Variants in C19orf47 observed in about 807,000 individuals in gnomAD.
C19orf47 encodes the protein chromosome 19 open reading frame 47, also known as uncharacterized protein C19orf47.
A neutral mutation model predicts 32.3 loss-of-function variants in C19orf47; 18 were observed. That is an observed-to-expected ratio of 0.56 (90% CI 0.39 to 0.83). C19orf47 has a LOEUF of 0.83. C19orf47 is among the 40% of genes least tolerant of loss of function. The pLI is 0.00. For missense variants in C19orf47, 484 were observed against 531.6 expected (o/e 0.91, Z 0.88); for synonymous variants, 202 against 211.1 (o/e 0.96, Z 0.37).
chr19:40,307,566 G>A, the C19orf47 span, among the ~76,000 whole-genome samples: 4 of 152,074 alleles, frequency 2.6e-5, no homozygotes, highest in African/African-American at 9.7e-5. Context: ...TTTTTGTAGA[G>A]ACAGGGTTTT....
intron 7 of C19orf47, among the ~76,000 whole-genome samples, chr19:40,325,404 G>A (rs1239536427): frequency 1.3e-5 from 2 of 152,100 alleles, no homozygotes; most frequent in Non-Finnish European, 2.9e-5. Flanking sequence ...GAAGCAGGCA[G>A]ATCACTTGAG....
intron 1 of C19orf47, chr19:40,343,710 T>A (rs1253185674): frequency 6.6e-6 from 1 of 152,240 alleles, no homozygotes; most frequent in Non-Finnish European, 1.5e-5. Flanking sequence ...ATCTACTTTG[T>A]GACACTTTCC....
downstream of C19orf47, among the ~76,000 whole-genome samples, chr19:40,315,546 C>T (rs1600154034): frequency 1.3e-5 from 2 of 151,996 alleles, no homozygotes; most frequent in East Asian, 1.9e-4. Flanking sequence ...TTTGGGAGGC[C>T]GAAGTGAGCA....
At chr19:40,318,400 C>A (rs1477002969), downstream of C19orf47, among the ~76,000 whole-genome samples, 1 of 152,056 alleles carries the variant, frequency 6.6e-6, no homozygotes, top group African/African-American at 2.4e-5. Flanking sequence ...AAGAGAATCT[C>A]CCTGGCACAG....
intron 4 of C19orf47, among the ~76,000 whole-genome samples, chr19:40,335,381 C>A (rs1465861724): frequency 1.3e-5 from 2 of 152,146 alleles, no homozygotes; most frequent in Admixed American, 1.3e-4. Context: ...TGTGAAGCAG[C>A]AATAATAGTT....
chr19:40,318,394 G>T (rs2077677680), downstream of C19orf47, among the ~76,000 whole-genome samples: 1 of 151,950 alleles, frequency 6.6e-6, no homozygotes. Context: ...AACAATAAGA[G>T]AATCTCCCTG....
rs562725113 is a variant in C19orf47 at position 40,333,862 on chromosome 19, C to A, written c.290G>T (p.Arg97Leu). 1.3e-6 allele frequency: 2 copies of A among 1,573,688 alleles called. No homozygotes were observed. The highest frequency in any genetic ancestry group is 1.2e-5 in the South Asian group (1 of 85,842). The change falls in exon 5 of 9, where the codon CGT (arginine) becomes CTT (leucine). Residue 97 changes from arginine to leucine, a missense_variant. This residue lies in a region of C19orf47 where 376 missense variants were observed against 370.2 expected (regional missense o/e 1.02). Coordinates refer to ENST00000683109, the MANE Select transcript of C19orf47 (RefSeq NM_001256441.2). ...SPSPLAGEIR[R>L]GTSAASRMIT... Reference sequence around the variant, plus strand: ...TAGTTAGGACTCACCACTGGTGCCACGGCGAATTTCGCCTGCAAGGGGGCT... The same window carrying A: ...TAGTTAGGACTCACCACTGGTGCCAAGGCGAATTTCGCCTGCAAGGGGGCT...
At chr19:40,313,374 G>C in the C19orf47 span, among the ~76,000 whole-genome samples, 1 of 152,118 alleles carries the variant, frequency 6.6e-6, no homozygotes, top group African/African-American at 2.4e-5. Flanking sequence ...GCCCAGGCTA[G>C]AGTGCAGTGT....
At chr19:40,300,812 C>G in the C19orf47 span, among the ~76,000 whole-genome samples, 1 of 152,090 alleles carries the variant, frequency 6.6e-6, no homozygotes, top group Non-Finnish European at 1.5e-5. Flanking sequence ...TAACATTGGA[C>G]TGGGTAAGAA....
At chr19:40,293,436 G>A in the C19orf47 span, among the ~76,000 whole-genome samples, 7 of 147,578 alleles carry the variant, frequency 4.7e-5, no homozygotes, top group East Asian at 6.2e-4. Flanking sequence ...ATGAGCCACC[G>A]TGCCCAGCAA....
At chr19:40,346,543 T>C (rs1215312691) in intron 1 of C19orf47, among the ~76,000 whole-genome samples, 1 of 148,828 alleles carries the variant, frequency 6.7e-6, no homozygotes, top group Non-Finnish European at 1.5e-5. Flanking sequence ...TTTTTTTTTT[T>C]TGAGATGAAG....
chr19:40,329,567 G>A (rs1438826771), intron 5 of C19orf47, among the ~76,000 whole-genome samples: 2 of 151,938 alleles, frequency 1.3e-5, no homozygotes, highest in African/African-American at 2.4e-5. Flanking sequence ...TTAATAAAAC[G>A]TGACCCCCAA....
chr19:40,340,476 A>C (rs1423132976), intron 2 of C19orf47, among the ~76,000 whole-genome samples: 1 of 151,414 alleles, frequency 6.6e-6, no homozygotes, highest in Non-Finnish European at 1.5e-5. Context: ...AGGTCAAGAG[A>C]TCGAGACCAT....
intron 1 of C19orf47, chr19:40,343,769 T>C (rs2078221711): frequency 6.6e-6 from 1 of 152,146 alleles, no homozygotes. Flanking sequence ...CTAGGGTTAA[T>C]CTTGCCCTTC....
At chr19:40,331,539 G>T (rs952068037) in intron 5 of C19orf47, among the ~76,000 whole-genome samples, 1 of 152,160 alleles carries the variant, frequency 6.6e-6, no homozygotes, top group Non-Finnish European at 1.5e-5. Flanking sequence ...TCAGGAGGCT[G>T]AGGCAGGAGG....
At chr19:40,327,230 T>A (rs2077851140) in intron 6 of C19orf47, among the ~76,000 whole-genome samples, 2 of 151,746 alleles carry the variant, frequency 1.3e-5, no homozygotes, top group Non-Finnish European at 2.9e-5. Flanking sequence ...GTCAGGCTGC[T>A]CTTGAACTCC....
intron 2 of C19orf47, among the ~76,000 whole-genome samples, chr19:40,338,318 CACAAAT>C (rs2078109696): frequency 6.8e-6 from 1 of 146,624 alleles, no homozygotes; most frequent in African/African-American, 2.6e-5. Flanking sequence ...CATATATATA[CACAAAT>C]ATATATATAC....
the C19orf47 span, among the ~76,000 whole-genome samples, chr19:40,293,269 T>C: frequency 1.3e-5 from 2 of 150,844 alleles, no homozygotes; most frequent in South Asian, 2.1e-4. Flanking sequence ...GCCTTCCAAG[T>C]AGCTGGGATT....
At chr19:40,328,184 C>T (rs2077872353) in intron 6 of C19orf47, among the ~76,000 whole-genome samples, 1 of 152,114 alleles carries the variant, frequency 6.6e-6, no homozygotes, top group Non-Finnish European at 1.5e-5. Context: ...GTGCTTCTGT[C>T]CATCCTCCTG....
Sources: allele counts gnomAD v4.1 joint callset (sites outside exome capture counted in the v4.1 genomes callset), GRCh38; gene constraint gnomAD v4.1.1; regional missense constraint gnomAD v4.1.1; transcripts MANE v1.5; gene names NCBI Gene and HGNC (gene_info 2026-07-23, HGNC 2026-07-21).